PKHD1: variants seen among roughly 807,000 people sequenced by gnomAD.
PKHD1 encodes fibrocystin.
Under a neutral mutation model 412.0 loss-of-function variants are expected in PKHD1, and 291 were observed. The ratio of observed to expected loss-of-function variants is 0.71; its 90% CI spans 0.64 to 0.78. PKHD1 has a LOEUF of 0.78. Ranked by LOEUF, PKHD1 falls within the 30% of genes least tolerant of loss-of-function variation. PKHD1 has a pLI of 0.00. For synonymous variants in PKHD1, 1,777 were observed against 1,821.5 expected (o/e 0.98, Z 0.62); for missense variants, 4,825 against 4,950.7 (o/e 0.97, Z 0.76).
chr6:51,728,750 T>C (rs1310633067), intron 60 of PKHD1, among the ~76,000 whole-genome samples: 2 of 152,174 alleles, frequency 1.3e-5, no homozygotes, highest in Admixed American at 6.5e-5. Flanking sequence ...AATACTTAGG[T>C]GTTGTTTGAA....
intron 50 of PKHD1, among the ~76,000 whole-genome samples, chr6:51,842,555 C>A (rs1039997569): frequency 6.6e-6 from 1 of 152,146 alleles, no homozygotes; most frequent in Non-Finnish European, 1.5e-5. Context: ...TATGAATAAT[C>A]AACTCAAGAT....
chr6:51,899,933 T>C (rs1166605783), intron 43 of PKHD1, among the ~76,000 whole-genome samples: 2 of 151,948 alleles, frequency 1.3e-5, no homozygotes, highest in Non-Finnish European at 2.9e-5. Context: ...TCAAAGAGAA[T>C]AAAATACCTA....
Position 51,946,541 on chromosome 6 carries a change from G to A in PKHD1, c.5909-12219C>T, listed in dbSNP as rs138603861. On this transcript the variant is annotated intron_variant, in intron 36 of 66. Coordinates refer to ENST00000371117, the MANE Select transcript of PKHD1 (RefSeq NM_138694.4). ...TTAAAGGATAGTTACTTGAGTATGG[G>A]AGGGCTGTGGGAGGACTTTATTCCA... Among the ~76,000 whole-genome samples the A allele has an allele frequency of 1.7e-3, 256 of 152,306 alleles. 2 individuals are homozygous for A. Among genetic ancestry groups the A allele is most frequent in the African/African-American group, 5.6e-3 (234 of 41,558 alleles).
At chr6:51,742,846 C>A (rs2150954529) in intron 60 of PKHD1, among the ~76,000 whole-genome samples, 1 of 152,224 alleles carries the variant, frequency 6.6e-6, no homozygotes, top group East Asian at 1.9e-4. Context: ...GAAAAATGAT[C>A]TCATGATTAT....
intron 6 of PKHD1, among the ~76,000 whole-genome samples, chr6:52,075,756 C>A (rs1445101553): frequency 6.6e-6 from 1 of 152,180 alleles, no homozygotes; most frequent in Non-Finnish European, 1.5e-5. Context: ...TGGATTCTGG[C>A]TGTCTGGTTC....
intron 60 of PKHD1, among the ~76,000 whole-genome samples, chr6:51,675,269 T>C (rs1018052272): frequency 2.0e-5 from 3 of 152,202 alleles, no homozygotes; most frequent in Non-Finnish European, 4.4e-5. Flanking sequence ...ATCACTTCTA[T>C]AGAGCGTTCC....
chr6:51,812,645 T>C (rs1440284979), intron 52 of PKHD1, among the ~76,000 whole-genome samples: 1 of 152,204 alleles, frequency 6.6e-6, no homozygotes, highest in Non-Finnish European at 1.5e-5. Flanking sequence ...CCGCAAAATA[T>C]ATTTGTCTGT....
In PKHD1 at chr6:52,082,368, C is replaced by A; in HGVS notation, c.281+24G>T. The stretch of plus-strand genomic sequence containing the variant: ...GCAAAAATCCCTCATCCTGTCTGGT[C>A]TTCCTATTCCCAGACAGGTATACCT... On this transcript the variant is annotated intron_variant, in intron 4 of 66. Transcript: ENST00000371117. 1.9e-6 allele frequency: 3 copies of A among 1,611,160 alleles called. No homozygotes were observed. In the South Asian group the frequency reaches 3.3e-5, roughly 18 times the overall value.
intron 57 of PKHD1, among the ~76,000 whole-genome samples, chr6:51,752,745 G>C (rs1786306780): frequency 6.6e-6 from 1 of 152,136 alleles, no homozygotes; most frequent in African/African-American, 2.4e-5. Context: ...AAACTTGAAA[G>C]AAACAAGAAA....
At chr6:52,033,434 T>C (rs1803400531) in intron 28 of PKHD1, among the ~76,000 whole-genome samples, 1 of 151,946 alleles carries the variant, frequency 6.6e-6, no homozygotes, top group Non-Finnish European at 1.5e-5. Context: ...CTGTAAGGGG[T>C]AAATAAGAAT....
chr6:51,880,957 C>T (rs1474337582), intron 46 of PKHD1, among the ~76,000 whole-genome samples: 2 of 147,784 alleles, frequency 1.4e-5, no homozygotes, highest in Non-Finnish European at 3.0e-5. Flanking sequence ...CAGAGCGAGA[C>T]TCCGTCTCAA....
At chr6:51,749,405 A>G (rs1312879107) in intron 57 of PKHD1, among the ~76,000 whole-genome samples, 2 of 152,198 alleles carry the variant, frequency 1.3e-5, no homozygotes, top group South Asian at 2.1e-4. Flanking sequence ...TTAAATAGAT[A>G]TTGTTAAAAC....
At chr6:51,938,560 T>C (rs1299127090) in intron 36 of PKHD1, among the ~76,000 whole-genome samples, 1 of 134,348 alleles carries the variant, frequency 7.4e-6, no homozygotes, top group Non-Finnish European at 1.5e-5. Context: ...TCTTATAAGA[T>C]GGCCCCACTA....
intron 55 of PKHD1, among the ~76,000 whole-genome samples, chr6:51,767,401 TATGTATAC>T (rs1789256794): frequency 6.6e-6 from 1 of 152,160 alleles, no homozygotes; most frequent in Non-Finnish European, 1.5e-5. Flanking sequence ...GTTTGTTACA[TATGTATAC>T]ATGTGCCATG....
Position 51,619,285 on chromosome 6 carries a change from G to C in PKHD1, c.12021C>G (p.Leu4007=), listed in dbSNP as rs761543328. The part of the protein sequence containing the change: ...GNWKEGQEQL[L]RYQLAGQNQL... ...GATTTTGGCCTGCCAGCTGGTATCT[G>C]AGCAACTGCTCTTGGCCCTCCTTCC... The change falls in exon 67 of 67, where the codon CTC becomes CTG. Residue 4007 remains leucine (L), a synonymous_variant. Transcript: ENST00000371117. The C allele has an allele frequency of 1.1e-5, 17 of 1,614,122 alleles. No homozygotes were observed. Among genetic ancestry groups the C allele is most frequent in the Non-Finnish European group, 1.0e-5 (12 of 1,180,044 alleles).
rs112527813 is a variant in PKHD1 at position 51,798,094 on chromosome 6, G to T, written c.8303-6721C>A. 1.4e-4 allele frequency among the ~76,000 whole-genome samples: 22 copies of T among 152,242 alleles called. No individual in the cohort carries two copies. In the East Asian group the frequency reaches 3.7e-3, roughly 25 times the overall value. The stretch of plus-strand genomic sequence containing the variant: ...TTGTCCAGATAAGAAATTCTAGGTT[G>T]GGGGCCAGGTGCAGTGGCTCGTGCC... On this transcript the variant is annotated intron_variant, in intron 52 of 66. Coordinates refer to ENST00000371117, the MANE Select transcript of PKHD1 (RefSeq NM_138694.4).
At chr6:51,800,757 A>T (rs1762786526) in intron 52 of PKHD1, among the ~76,000 whole-genome samples, 1 of 152,210 alleles carries the variant, frequency 6.6e-6, no homozygotes, top group Admixed American at 6.5e-5. Flanking sequence ...TATGGTATGC[A>T]CTGTATCAGG....
At chr6:51,624,811 A>T (rs899570895) in intron 66 of PKHD1, among the ~76,000 whole-genome samples, 1 of 152,222 alleles carries the variant, frequency 6.6e-6, no homozygotes, top group African/African-American at 2.4e-5. Context: ...CGGAGAAATT[A>T]GTTCTCTTAC....
intron 52 of PKHD1, among the ~76,000 whole-genome samples, chr6:51,825,732 G>A (rs990470635): frequency 1.2e-4 from 19 of 152,062 alleles, no homozygotes; most frequent in African/African-American, 4.6e-4. Context: ...GTTTCTGGGT[G>A]GTTTGCCAGG....
Sources: allele counts gnomAD v4.1 joint callset (sites outside exome capture counted in the v4.1 genomes callset), GRCh38; gene constraint gnomAD v4.1.1; transcripts MANE v1.5; gene names NCBI Gene and HGNC (gene_info 2026-07-23, HGNC 2026-07-21).